Variants in RAB38 observed in about 807,000 individuals in gnomAD.
The protein encoded by RAB38 is ras-related protein Rab-38.
In RAB38, 15 loss-of-function variants were observed where a neutral mutation model predicts 18.4. The ratio of observed to expected loss-of-function variants is 0.82; its 90% CI spans 0.55 to 1.26. RAB38 has a LOEUF of 1.26. RAB38 is among the 50% of genes most tolerant of loss of function. The probability of loss-of-function intolerance (pLI) is 0.00; values close to 1 mark genes in which losing one functional copy is unlikely to be tolerated. For synonymous variants in RAB38, 101 were observed against 104.4 expected (o/e 0.97, Z 0.20); for missense variants, 294 against 267.4 (o/e 1.10, Z -0.69).
the RAB38 span, among the ~76,000 whole-genome samples, chr11:87,837,851 A>C: frequency 1.3e-5 from 2 of 152,184 alleles, no homozygotes; most frequent in Admixed American, 1.3e-4. Flanking sequence ...GTGATGACAA[A>C]ATGAAATATT....
intron 2 of RAB38, among the ~76,000 whole-genome samples, chr11:88,121,176 C>T (rs1200464480): frequency 6.6e-6 from 1 of 152,176 alleles, no homozygotes; most frequent in Admixed American, 6.5e-5. Context: ...CCTCCATTGA[C>T]ACCACTACAT....
chr11:88,078,519 G>GTGTGTGTGTGTGTGTGTA, the RAB38 span, among the ~76,000 whole-genome samples: 1 of 151,908 alleles, frequency 6.6e-6, no homozygotes, highest in Admixed American at 6.6e-5. Flanking sequence ...GTGTGTGTGT[G>GTGTGTGTGTGTGTGTGTA]TACAGTGGAA....
chr11:87,806,582 A>G, the RAB38 span, among the ~76,000 whole-genome samples: 1 of 152,220 alleles, frequency 6.6e-6, no homozygotes, highest in African/African-American at 2.4e-5. Flanking sequence ...AATGCCAGAA[A>G]TTAGGGAAAA....
the RAB38 span, among the ~76,000 whole-genome samples, chr11:87,816,824 A>G: frequency 6.0e-3 from 916 of 152,206 alleles, 11 homozygotes; most frequent in African/African-American, 0.021. Context: ...AAATGCAGAT[A>G]TGGGTGACCC....
Position 88,175,269 on chromosome 11 carries a change from C to G in RAB38, c.116G>C (p.Arg39Pro), listed in dbSNP as rs780649574. 1.2e-6 allele frequency: 2 copies of G among 1,614,028 alleles called. No homozygotes were observed. Among genetic ancestry groups the G allele is most frequent in the African/African-American group, 2.7e-5 (2 of 74,930 alleles). The change falls in exon 1 of 3, where the codon CGG becomes CCG. Residue 39 changes from arginine to proline, a missense_variant. Coordinates refer to ENST00000243662, the MANE Select transcript of RAB38 (RefSeq NM_022337.3). The part of the protein sequence containing the change: ...YVHQNFSSHY[R>P]ATIGVDFALK... ...CGCGAAGTCCACGCCGATTGTGGCC[C>G]GGTAGTGCGAAGAGAAGTTCTGGTG...
the RAB38 span, among the ~76,000 whole-genome samples, chr11:87,947,396 G>T: frequency 6.6e-6 from 1 of 152,110 alleles, no homozygotes; most frequent in African/African-American, 2.4e-5. Flanking sequence ...AGTTTAATTA[G>T]ATCCCATTTG....
the RAB38 span, among the ~76,000 whole-genome samples, chr11:87,808,814 AT>A: frequency 1.3e-5 from 2 of 152,208 alleles, no homozygotes; most frequent in African/African-American, 4.8e-5. Flanking sequence ...AAGATAAAAA[AT>A]AAAATACAAA....
chr11:88,007,068 T>C, the RAB38 span, among the ~76,000 whole-genome samples: 1 of 151,934 alleles, frequency 6.6e-6, no homozygotes, highest in African/African-American at 2.4e-5. Flanking sequence ...CCTGATGTGA[T>C]GATTACACAA....
the RAB38 span, among the ~76,000 whole-genome samples, chr11:87,975,305 G>A: frequency 6.6e-6 from 1 of 151,852 alleles, no homozygotes; most frequent in Non-Finnish European, 1.5e-5. Flanking sequence ...AGGCGGATAC[G>A]ACTCAGCCCA....
At chr11:88,038,654 T>G in the RAB38 span, among the ~76,000 whole-genome samples, 1 of 152,202 alleles carries the variant, frequency 6.6e-6, no homozygotes, top group African/African-American at 2.4e-5. Context: ...ACTCATTTGG[T>G]AATCATTTTT....
At chr11:88,063,548 T>A in the RAB38 span, among the ~76,000 whole-genome samples, 1 of 152,108 alleles carries the variant, frequency 6.6e-6, no homozygotes, top group Non-Finnish European at 1.5e-5. Context: ...CAAGAACCTT[T>A]CGCTACACCT....
the RAB38 span, among the ~76,000 whole-genome samples, chr11:87,964,553 C>T: frequency 6.6e-6 from 1 of 151,864 alleles, no homozygotes; most frequent in Non-Finnish European, 1.5e-5. Context: ...AAGTGCAAAA[C>T]GACATTGTAA....
chr11:87,845,381 AACTC>A, the RAB38 span, among the ~76,000 whole-genome samples: 1 of 152,134 alleles, frequency 6.6e-6, no homozygotes, highest in African/African-American at 2.4e-5. Context: ...AGATAAGAAA[AACTC>A]AACAAGAAAT....
intron 1 of RAB38, among the ~76,000 whole-genome samples, chr11:88,164,256 C>CGGCGGGGGGGGGGGGGG (rs1318397492): frequency 7.3e-5 from 8 of 109,098 alleles, no homozygotes; most frequent in African/African-American, 1.4e-4. Flanking sequence ...AAGGTGCTCT[C>CGGCGGGGGGGGGGGGGG]GGTGGGGGGG....
At chr11:88,105,089 AC>A in the RAB38 span, among the ~76,000 whole-genome samples, 1 of 152,120 alleles carries the variant, frequency 6.6e-6, no homozygotes, top group African/African-American at 2.4e-5. Flanking sequence ...GTATGGAAAC[AC>A]ACTCTGATTA....
the RAB38 span, among the ~76,000 whole-genome samples, chr11:87,947,935 G>C: frequency 6.6e-6 from 1 of 152,180 alleles, no homozygotes; most frequent in Non-Finnish European, 1.5e-5. Context: ...TGTGAAGAAA[G>C]TCATTGGTAG....
chr11:88,118,512 T>C (rs987370858), intron 2 of RAB38, among the ~76,000 whole-genome samples: 1 of 152,222 alleles, frequency 6.6e-6, no homozygotes, highest in Non-Finnish European at 1.5e-5. Flanking sequence ...TTCTGGGTGA[T>C]TGTATAGAAA....
At chr11:87,823,238 G>A in the RAB38 span, among the ~76,000 whole-genome samples, 1 of 152,080 alleles carries the variant, frequency 6.6e-6, no homozygotes, top group African/African-American at 2.4e-5. Flanking sequence ...CTGAAAACCA[G>A]AAAACATTGG....
At chr11:88,017,701 TTTATATATATATATAATATATA>T in the RAB38 span, among the ~76,000 whole-genome samples, 99 of 145,442 alleles carry the variant, frequency 6.8e-4, no homozygotes, top group Admixed American at 1.4e-3. Context: ...TAAATTGTAT[TTTATATATATATATAATATATA>T]TTATATATAT....
Sources: gnomAD v4.1 joint callset for allele counts (sites outside exome capture counted in the v4.1 genomes callset) on GRCh38, gnomAD v4.1.1 for gene constraint, MANE v1.5 for transcripts, NCBI Gene and HGNC (gene_info 2026-07-23, HGNC 2026-07-21) for gene names.